Variants in RECK observed in about 807,000 individuals in gnomAD.
RECK encodes reversion-inducing cysteine-rich protein with Kazal motifs.
Under a neutral mutation model 115.1 loss-of-function variants are expected in RECK, and 69 were observed. That is an observed-to-expected ratio of 0.60 (90% confidence interval 0.49 to 0.73). RECK has a LOEUF of 0.73. Among genes scored for constraint, RECK ranks in the 30% least tolerant of loss-of-function variants. The pLI, the probability that RECK is intolerant of heterozygous loss-of-function variation, is 0.00. For missense variants in RECK, 1,047 were observed against 1,203.7 expected, an observed-to-expected ratio of 0.87 and a Z score of 1.93; for synonymous variants, 414 against 419.7, an observed-to-expected ratio of 0.99 and a Z score of 0.17.
intron 6 of RECK, among the ~76,000 whole-genome samples, chr9:36,069,023 G>A (rs1057305194): frequency 2.0e-5 from 3 of 152,054 alleles, no homozygotes; most frequent in Non-Finnish European, 2.9e-5. Flanking sequence ...AATTGATCTT[G>A]TATTTCAGAC....
chr9:36,098,311 A>G (rs953618533), intron 10 of RECK, among the ~76,000 whole-genome samples: 2 of 152,208 alleles, frequency 1.3e-5, no homozygotes, highest in African/African-American at 4.8e-5. Flanking sequence ...TAAATATATT[A>G]CGTTGCACAC....
intron 10 of RECK, among the ~76,000 whole-genome samples, chr9:36,095,809 G>A (rs996562522): frequency 1.3e-5 from 2 of 151,674 alleles, no homozygotes; most frequent in Non-Finnish European, 1.5e-5. Flanking sequence ...GGTGGCTCAC[G>A]CCTGTAATCC....
At chr9:36,063,941 C>T (rs961590792) in intron 5 of RECK, 61 bp downstream of exon 5, 1 of 1,520,174 alleles carries the variant, frequency 6.6e-7, no homozygotes, top group Non-Finnish European at 9.1e-7. Context: ...TAGCTGTGCA[C>T]ATGTCTTGGG....
chr9:36,124,057 CTT>C lies in RECK; in HGVS notation c.*1014_*1015del, dbSNP rs771638340. The C allele has an allele frequency of 1.0e-4, 15 of 147,084 alleles. No individual in the cohort carries two copies. Among genetic ancestry groups the C allele is most frequent in the Non-Finnish European group, 1.5e-4 (10 of 68,004 alleles). The allele number at this position is 147,084 out of a possible 1,614,324, so 9.1% of individuals were successfully genotyped here. A position where few individuals can be genotyped will look rare whatever the true frequency, so the allele number is the denominator to read the frequency against. Reference sequence around the variant, plus strand: ...CAATGTAGATAAGTGTTCTGTCTGACTTTCTTTTTTGATATAGAAGTATAAAG... The same window carrying C: ...CAATGTAGATAAGTGTTCTGTCTGACTCTTTTTTGATATAGAAGTATAAAG... On this transcript the variant is annotated 3_prime_UTR_variant, in exon 21 of 21. Transcript: ENST00000377966.
At chr9:36,069,587 A>C (rs80006684) in intron 6 of RECK, among the ~76,000 whole-genome samples, 3,859 of 152,184 alleles carry the variant, frequency 0.025, 170 homozygotes, top group African/African-American at 0.087. Context: ...GTGTTATAAT[A>C]GTTTAGGTAC....
chr9:36,057,958 A>G (rs998263037), intron 2 of RECK, among the ~76,000 whole-genome samples: 7 of 151,896 alleles, frequency 4.6e-5, no homozygotes, highest in African/African-American at 1.7e-4. Flanking sequence ...ATGAGATACC[A>G]TTTCACACCA....
At chr9:36,110,295 A>G (rs1823990609) in intron 15 of RECK, among the ~76,000 whole-genome samples, 1 of 152,344 alleles carries the variant, frequency 6.6e-6, no homozygotes, top group Middle Eastern at 3.4e-3. Flanking sequence ...CTTAGCACTA[A>G]TATTCTGGAA....
chr9:36,101,007 G>A (rs1019679748), intron 11 of RECK, among the ~76,000 whole-genome samples: 3 of 149,262 alleles, frequency 2.0e-5, no homozygotes, highest in African/African-American at 2.5e-5. Flanking sequence ...TCACTCTGTC[G>A]CCAGGCTGGA....
chr9:36,093,656 A>C (rs200488825), intron 10 of RECK, among the ~76,000 whole-genome samples: 1 of 144,976 alleles, frequency 6.9e-6, no homozygotes, highest in South Asian at 2.1e-4. Context: ...ACCCAGAAGG[A>C]AAGGAAAGAA....
Position 36,091,296 on chromosome 9 carries a change from C to A in RECK, c.1038C>A (p.Cys346Ter). 1 of 1,602,842 alleles carries A rather than the reference C, an allele frequency of 6.2e-7. No individual in the cohort carries two copies. The highest frequency in any genetic ancestry group is 8.5e-7 in the Non-Finnish European group (1 of 1,175,700). Residue 346 changes from cysteine to a stop codon, truncating the protein, a stop_gained, in exon 10 of 21, where the codon TGC (cysteine) becomes TGA (stop). Coordinates refer to ENST00000377966, the MANE Select transcript of RECK (RefSeq NM_021111.3). LOFTEE classifies it high-confidence loss of function. ...GTTTAGCGGATGTCCGGGAACCTTG[C>A]CAGTTGGGCTGTAGAAACCTTACTT... is the stretch of plus-strand genomic sequence containing the variant. ...LTCLADVREP[C>*]QLGCRNLTYC...
Position 36,121,594 on chromosome 9 carries a change from C to A in RECK, c.2600C>A (p.Ser867Tyr), listed in dbSNP as rs1824462649. Residue 867 changes from serine to tyrosine, a missense_variant, in exon 20 of 21, where the codon TCT (serine) becomes TAT (tyrosine). Physicochemically the swap from Ser to Tyr is moderately radical, Grantham distance 144 (BLOSUM62 -2). Coordinates refer to ENST00000377966, the MANE Select transcript of RECK (RefSeq NM_021111.3). ...CTTCAGAAAATCCGCATGCACGTGT[C>A]TGTCCCACAGTGTGATGTGTTTGGA... ...EILQKIRMHV[S>Y]VPQCDVFGYF... 1 of 1,613,972 alleles carries A rather than the reference C, an allele frequency of 6.2e-7. No homozygotes were observed. The highest frequency in any genetic ancestry group is 8.5e-7 in the Non-Finnish European group (1 of 1,179,930).
chr9:36,091,278 G>A lies in RECK; in HGVS notation c.1020G>A (p.Ala340=), dbSNP rs1162681988. ...AAGTGTCCATGTTGACCTGTTTAGCGGATGTCCGGGAACCTTGCCAGTTGG... is the reference window on the plus strand; with the variant it reads ...AAGTGTCCATGTTGACCTGTTTAGCAGATGTCCGGGAACCTTGCCAGTTGG... ...PVEVSMLTCL[A]DVREPCQLGC... Residue 340 remains alanine, a synonymous_variant, in exon 10 of 21, where the codon GCG becomes GCA. Transcript: ENST00000377966. 19 of 1,610,424 alleles carry A rather than the reference G, an allele frequency of 1.2e-5. No homozygotes were observed. Among genetic ancestry groups the A allele is most frequent in the Non-Finnish European group, 1.4e-5 (17 of 1,178,790 alleles).
At chr9:36,055,401 G>T (rs1408291813) in intron 2 of RECK, among the ~76,000 whole-genome samples, 2 of 151,918 alleles carry the variant, frequency 1.3e-5, no homozygotes, top group African/African-American at 4.8e-5. Flanking sequence ...TTTTAATTTT[G>T]CTTATTAGCT....
intron 8 of RECK, 43 bp from the exon 9 acceptor site, chr9:36,087,650 CA>C (rs758132202): frequency 1.3e-5 from 21 of 1,576,966 alleles, no homozygotes; most frequent in East Asian, 2.2e-5. Flanking sequence ...TAAAAACAAA[CA>C]AAAAAAACAG....
chr9:36,102,322 C>T (rs1016665077), intron 12 of RECK, 92 bp downstream of exon 12: 3 of 1,114,870 alleles, frequency 2.7e-6, no homozygotes, highest in Admixed American at 4.6e-5. Flanking sequence ...GAGCATTTAT[C>T]TGTTGAGAAC....
At chr9:36,078,872 ATTTGTTTG>A (rs59347076) in intron 6 of RECK, among the ~76,000 whole-genome samples, 1 of 151,696 alleles carries the variant, frequency 6.6e-6, no homozygotes, top group Non-Finnish European at 1.5e-5. Flanking sequence ...TTATTTTATT[ATTTGTTTG>A]TTTGTTTATT....
At chr9:36,058,700 TAAATA>T (rs1475462632) in intron 2 of RECK, 122 bp from the exon 3 acceptor site, 4 of 266,518 alleles carry the variant, frequency 1.5e-5, no homozygotes, top group Non-Finnish European at 1.4e-5. Context: ...TAAAAATAAA[TAAATA>T]AAATAAAAAG....
rs1296993241 is a variant in RECK, at chr9:36,073,231, G to GACAC, written c.406-7368_406-7365dup. ...AAACAGCAACACACAGACACACACA[G>GACAC]ACACACACAGACACACACACACACA... On this transcript the variant is annotated intron_variant, in intron 6 of 20. Transcript: ENST00000377966. Among the ~76,000 whole-genome samples, 709 of 94,874 alleles carry GACAC rather than the reference G, an allele frequency of 7.5e-3. 1 individual carries two copies. The highest frequency in any genetic ancestry group is 0.013 in the African/African-American group (321 of 25,642). 62.2% of individuals were successfully genotyped at this position (94,874 alleles called of 152,430 possible).
rs117483899 is a variant in RECK at position 36,089,727 on chromosome 9, C to T, written c.906-1437C>T. On this transcript the variant is annotated intron_variant, in intron 9 of 20. Transcript: ENST00000377966. ...AACATAAATGAATGTCGTGTTTAGA[C>T]TTGGGTCCTAGCCCCAAAATATCTC... Among the ~76,000 whole-genome samples the T allele has an allele frequency of 1.4e-3, 208 of 152,260 alleles. 4 individuals are homozygous for T. The East Asian group carries it at 0.038, about 28-fold the overall frequency.
Sources: gnomAD v4.1 joint callset for allele counts (sites outside exome capture counted in the v4.1 genomes callset) on GRCh38, gnomAD v4.1.1 for gene constraint, MANE v1.5 for transcripts, NCBI Gene and HGNC (gene_info 2026-07-23, HGNC 2026-07-21) for gene names.